Variants in ZNF385B observed in about 807,000 individuals in gnomAD.
ZNF385B encodes zinc finger protein 385B.
Under a neutral mutation model 39.2 loss-of-function variants are expected in ZNF385B, and 23 were observed. That is an observed-to-expected ratio of 0.59 (90% CI 0.42 to 0.83). ZNF385B has a LOEUF of 0.83. Among genes scored for constraint, ZNF385B ranks in the 40% least tolerant of loss-of-function variants. The probability of loss-of-function intolerance (pLI) is 0.00; values close to 1 mark genes in which losing one functional copy is unlikely to be tolerated. For missense variants in ZNF385B, 552 were observed against 598.9 expected (o/e 0.92, Z 0.82); for synonymous variants, 205 against 222.6 (o/e 0.92, Z 0.70).
At chr2:179,793,405 G>A (rs1219094880) in intron 1 of ZNF385B, among the ~76,000 whole-genome samples, 2 of 152,204 alleles carry the variant, frequency 1.3e-5, no homozygotes, top group East Asian at 3.8e-4. Context: ...CAAATCTACT[G>A]AATTGTAATC....
intron 3 of ZNF385B, among the ~76,000 whole-genome samples, chr2:179,592,061 C>T (rs113693100): frequency 0.011 from 1,611 of 152,268 alleles, 23 homozygotes; most frequent in African/African-American, 0.037. Flanking sequence ...TCAAAAGTTA[C>T]ACCACTAAAC....
chr2:179,701,298 TTC>T (rs1488421524), intron 3 of ZNF385B, among the ~76,000 whole-genome samples: 5 of 152,182 alleles, frequency 3.3e-5, no homozygotes, highest in Non-Finnish European at 7.4e-5. Context: ...GCTATTTTCT[TTC>T]TCTGTTTCTC....
intron 3 of ZNF385B, among the ~76,000 whole-genome samples, chr2:179,703,009 C>G (rs1264060660): frequency 1.3e-5 from 2 of 152,242 alleles, no homozygotes; most frequent in South Asian, 2.1e-4. Flanking sequence ...ATTGCAACAG[C>G]CTAACTGTTC....
intron 3 of ZNF385B, among the ~76,000 whole-genome samples, chr2:179,599,990 T>G (rs1191709158): frequency 6.6e-6 from 1 of 152,170 alleles, no homozygotes; most frequent in Non-Finnish European, 1.5e-5. Context: ...CGTTAACCAT[T>G]TTGAATATGC....
intron 1 of ZNF385B, among the ~76,000 whole-genome samples, chr2:179,808,500 C>G (rs976771045): frequency 6.6e-6 from 1 of 152,132 alleles, no homozygotes; most frequent in African/African-American, 2.4e-5. Context: ...AAAAAAATAA[C>G]TAAGGCAAAT....
At chr2:179,666,455 A>G (rs1315542766) in intron 3 of ZNF385B, among the ~76,000 whole-genome samples, 3 of 152,218 alleles carry the variant, frequency 2.0e-5, no homozygotes, top group Non-Finnish European at 4.4e-5. Context: ...GAAAAGATAA[A>G]GGATTGCTTC....
At chr2:179,627,106 T>C (rs74636216) in intron 3 of ZNF385B, among the ~76,000 whole-genome samples, 1,676 of 152,252 alleles carry the variant, frequency 0.011, 28 homozygotes, top group African/African-American at 0.039. Flanking sequence ...TCATATCACA[T>C]TCACTTCTTA....
chr2:179,498,437 C>T (rs2056446534), intron 5 of ZNF385B, among the ~76,000 whole-genome samples: 1 of 151,832 alleles, frequency 6.6e-6, no homozygotes, highest in Non-Finnish European at 1.5e-5. Flanking sequence ...ATTTAAAAAA[C>T]TCATATAACA....
At chr2:179,748,438 T>C (rs1024397580) in intron 3 of ZNF385B, among the ~76,000 whole-genome samples, 4 of 152,014 alleles carry the variant, frequency 2.6e-5, no homozygotes, top group African/African-American at 4.8e-5. Context: ...AGGCAAAACA[T>C]TGGGTTATCT....
At chr2:179,856,679 C>T (rs922074429) in intron 1 of ZNF385B, among the ~76,000 whole-genome samples, 1 of 149,198 alleles carries the variant, frequency 6.7e-6, no homozygotes, top group Non-Finnish European at 1.5e-5. Flanking sequence ...AGCCACAATC[C>T]GCAATCTGCA....
At chr2:179,772,726 T>A (rs1704083337) in intron 1 of ZNF385B, among the ~76,000 whole-genome samples, 1 of 152,214 alleles carries the variant, frequency 6.6e-6, no homozygotes, top group African/African-American at 2.4e-5. Flanking sequence ...AATCTCACTT[T>A]CTATTTTAAA....
chr2:179,818,304 G>A (rs59351466), intron 1 of ZNF385B, among the ~76,000 whole-genome samples: 8,719 of 152,214 alleles, frequency 0.057, 291 homozygotes, highest in Non-Finnish European at 0.067. Context: ...TAGAAATTAG[G>A]TGTGAAAATA....
chr2:179,810,478 C>T (rs1182564580), intron 1 of ZNF385B, among the ~76,000 whole-genome samples: 4 of 151,540 alleles, frequency 2.6e-5, no homozygotes, highest in South Asian at 2.1e-4. Flanking sequence ...AATATATATA[C>T]AAAAAATCAC....
chr2:179,546,482 T>G (rs2060241859), intron 3 of ZNF385B, among the ~76,000 whole-genome samples: 1 of 152,250 alleles, frequency 6.6e-6, no homozygotes, highest in Non-Finnish European at 1.5e-5. Flanking sequence ...GAAGTTTGTC[T>G]TTCTGTGCCT....
chr2:179,733,949 C>T (rs1199224244), intron 3 of ZNF385B, among the ~76,000 whole-genome samples: 6 of 152,132 alleles, frequency 3.9e-5, no homozygotes, highest in Non-Finnish European at 8.8e-5. Context: ...CCTCCTCCTT[C>T]CCCCATATGT....
chr2:179,597,032 C>T (rs1688054533), intron 3 of ZNF385B, among the ~76,000 whole-genome samples: 2 of 152,200 alleles, frequency 1.3e-5, no homozygotes, highest in African/African-American at 4.8e-5. Flanking sequence ...TATCTCCATT[C>T]TTTCAGTTCC....
At chr2:179,688,219 G>C (rs1332671027) in intron 3 of ZNF385B, among the ~76,000 whole-genome samples, 2 of 152,166 alleles carry the variant, frequency 1.3e-5, no homozygotes, top group African/African-American at 2.4e-5. Context: ...GGGACAATTA[G>C]AGAAAAGATG....
intron 5 of ZNF385B, among the ~76,000 whole-genome samples, chr2:179,504,815 A>G (rs1027270266): frequency 3.5e-5 from 5 of 141,858 alleles, no homozygotes; most frequent in Admixed American, 3.5e-4. Context: ...TAATTTAAAG[A>G]AAAAAAAAAA....
At chr2:179,566,720 T>C (rs377461286) in intron 3 of ZNF385B, among the ~76,000 whole-genome samples, 4 of 152,154 alleles carry the variant, frequency 2.6e-5, no homozygotes, top group Non-Finnish European at 5.9e-5. Flanking sequence ...TAAATTATAG[T>C]TTTGATGTCT....
Sources: allele counts gnomAD v4.1 joint callset (sites outside exome capture counted in the v4.1 genomes callset), GRCh38; gene constraint gnomAD v4.1.1; transcripts MANE v1.5; gene names NCBI Gene and HGNC (gene_info 2026-07-23, HGNC 2026-07-21).